The following RABEP1 variants were observed in gnomAD, a reference collection of about 807,000 sequenced individuals.
RABEP1 encodes rab GTPase-binding effector protein 1.
A neutral mutation model predicts 123.4 loss-of-function variants in RABEP1; 51 were observed. That is an observed-to-expected ratio of 0.41 (90% confidence interval 0.33 to 0.52). The LOEUF (loss-of-function observed/expected upper bound fraction) is 0.52. Among genes scored for constraint, RABEP1 ranks in the 20% least tolerant of loss-of-function variants. The probability of loss-of-function intolerance (pLI) is 0.16; values close to 1 mark genes in which losing one functional copy is unlikely to be tolerated. For missense variants in RABEP1, 888 were observed against 996.3 expected (o/e 0.89, Z 1.46); for synonymous variants, 347 against 355.2 (o/e 0.98, Z 0.26).
chr17:5,371,020 G>A (rs1910485614), intron 12 of RABEP1, among the ~76,000 whole-genome samples: 1 of 151,356 alleles, frequency 6.6e-6, no homozygotes, highest in South Asian at 2.1e-4. Flanking sequence ...AGGTTGGAGT[G>A]CAGTGGCGCG....
At chr17:5,329,649 C>T (rs1906328686) in intron 2 of RABEP1, among the ~76,000 whole-genome samples, 1 of 152,038 alleles carries the variant, frequency 6.6e-6, no homozygotes, top group Non-Finnish European at 1.5e-5. Context: ...TTAATAATTA[C>T]ATATACAGCA....
chr17:5,357,727 C>A lies in RABEP1; in HGVS notation c.1095+3237C>A, dbSNP rs190967141. 4.1e-4 allele frequency among the ~76,000 whole-genome samples: 63 copies of A among 152,150 alleles called. 8 individuals carry two copies. In the East Asian group the frequency reaches 5.0e-3, roughly 12 times the overall value. ...GAGTGATGACATAGGGAGTTCAATG[C>A]CCCTGAAAAAAGTTTTGTGTTACTC... On this transcript the variant is annotated intron_variant, in intron 8 of 17. Coordinates refer to ENST00000537505, the MANE Select transcript of RABEP1 (RefSeq NM_004703.6).
At chr17:5,363,313 T>C (rs974363066) in intron 10 of RABEP1, among the ~76,000 whole-genome samples, 3 of 151,356 alleles carry the variant, frequency 2.0e-5, no homozygotes, top group Non-Finnish European at 4.4e-5. Context: ...TCCGACCCCC[T>C]GGTTCAAGTG....
At chr17:5,331,374 C>T (rs951234164) in intron 2 of RABEP1, among the ~76,000 whole-genome samples, 1 of 152,108 alleles carries the variant, frequency 6.6e-6, no homozygotes, top group Non-Finnish European at 1.5e-5. Context: ...TTGATAAGTT[C>T]ATCTTTTTTT....
chr17:5,342,359 C>T (rs965411135), intron 5 of RABEP1, among the ~76,000 whole-genome samples: 2 of 152,218 alleles, frequency 1.3e-5, no homozygotes, highest in South Asian at 2.1e-4. Flanking sequence ...AGCATTGGGC[C>T]GGGTGCAGTG....
intron 2 of RABEP1, among the ~76,000 whole-genome samples, chr17:5,312,930 A>C (rs2075259018): frequency 6.6e-6 from 1 of 152,062 alleles, no homozygotes; most frequent in African/African-American, 2.4e-5. Flanking sequence ...AACATGGTGA[A>C]ACCCTGTCTG....
intron 1 of RABEP1, among the ~76,000 whole-genome samples, chr17:5,284,561 G>A (rs965824402): frequency 6.6e-6 from 1 of 151,578 alleles, no homozygotes; most frequent in Non-Finnish European, 1.5e-5. Flanking sequence ...GACCTCCTGG[G>A]GTCAAAGCAA....
chr17:5,311,542 C>T (rs1207130302), intron 2 of RABEP1, among the ~76,000 whole-genome samples: 1 of 151,374 alleles, frequency 6.6e-6, no homozygotes. Context: ...AAAAAAAATA[C>T]AAAAATTAGA....
Position 5,386,215 on chromosome 17 carries a change from T to C in RABEP1, c.*2992T>C. The C allele has an allele frequency of 6.2e-7, 1 of 1,613,390 alleles. No individual in the cohort carries two copies. The highest frequency in any genetic ancestry group is 2.2e-5 in the East Asian group (1 of 44,842). ...TCAGCTCCTGGTGGTGTCAGAAGTT[T>C]ACATGATTGCGGATATCATTGATTT... On this transcript the variant is annotated 3_prime_UTR_variant, in exon 18 of 18. Transcript: ENST00000537505.
intron 1 of RABEP1, among the ~76,000 whole-genome samples, chr17:5,291,762 G>A (rs1035257330): frequency 1.4e-4 from 21 of 152,008 alleles, no homozygotes; most frequent in Non-Finnish European, 2.6e-4. Context: ...CAAAAATTAG[G>A]CCTGATGGTG....
chr17:5,349,476 T>G (rs897307757), intron 6 of RABEP1, among the ~76,000 whole-genome samples: 45 of 152,166 alleles, frequency 3.0e-4, no homozygotes, highest in Middle Eastern at 3.2e-3. Flanking sequence ...TGCTACCTAT[T>G]CTCTTTTTAG....
At chr17:5,320,189 G>T (rs1002495334) in intron 2 of RABEP1, among the ~76,000 whole-genome samples, 1 of 151,548 alleles carries the variant, frequency 6.6e-6, no homozygotes, top group Non-Finnish European at 1.5e-5. Flanking sequence ...AGACTTCTTA[G>T]TACAAACCAT....
intron 15 of RABEP1, among the ~76,000 whole-genome samples, chr17:5,380,121 T>C (rs1010159417): frequency 2.0e-5 from 3 of 152,244 alleles, no homozygotes; most frequent in Admixed American, 2.0e-4. Flanking sequence ...ATCCTTTACA[T>C]GTCTGTTTAC....
intron 11 of RABEP1, among the ~76,000 whole-genome samples, chr17:5,367,384 G>C (rs1158864026): frequency 6.6e-6 from 1 of 151,612 alleles, no homozygotes; most frequent in Admixed American, 6.6e-5. Flanking sequence ...CGATTCTCCT[G>C]CCTCAGCCTC....
At chr17:5,364,086 C>T (rs1461308548) in intron 10 of RABEP1, among the ~76,000 whole-genome samples, 1 of 152,216 alleles carries the variant, frequency 6.6e-6, no homozygotes, top group Non-Finnish European at 1.5e-5. Context: ...CCTTCATACA[C>T]TGTGTGCTTT....
chr17:5,326,277 G>A (rs1009656162), intron 2 of RABEP1, among the ~76,000 whole-genome samples: 1 of 152,172 alleles, frequency 6.6e-6, no homozygotes, highest in Non-Finnish European at 1.5e-5. Flanking sequence ...GAATACACTG[G>A]TATATTGAGA....
intron 13 of RABEP1, among the ~76,000 whole-genome samples, chr17:5,375,010 C>G (rs1388671731): frequency 2.0e-5 from 3 of 151,968 alleles, no homozygotes; most frequent in Non-Finnish European, 4.4e-5. Flanking sequence ...CTCCTGATCT[C>G]AGGTGATTAG....
rs150507829 is a variant in RABEP1, at chr17:5,297,272, CTT to C, written c.35-11417_35-11416del. ...TTCTGATATAAAATTGTACACAAGA[CTT>C]TTTTAAAAACCCCAAAACCTAACAG... is the stretch of plus-strand genomic sequence containing the variant. On this transcript the variant is annotated intron_variant, in intron 1 of 17. Transcript: ENST00000537505. 1.0e-3 allele frequency among the ~76,000 whole-genome samples: 153 copies of C among 152,182 alleles called. 2 individuals carry two copies. Among genetic ancestry groups the C allele is most frequent in the East Asian group, 0.01 (52 of 5,188 alleles).
intron 9 of RABEP1, among the ~76,000 whole-genome samples, chr17:5,362,379 C>G (rs1909628102): frequency 6.6e-6 from 1 of 152,148 alleles, no homozygotes. Context: ...TTGACTTAGT[C>G]GCAAAACCTG....
Sources: allele counts gnomAD v4.1 joint callset (sites outside exome capture counted in the v4.1 genomes callset), GRCh38; gene constraint gnomAD v4.1.1; transcripts MANE v1.5; gene names NCBI Gene and HGNC (gene_info 2026-07-23, HGNC 2026-07-21).